Variants in RFX4 observed in about 807,000 individuals in gnomAD.
RFX4 encodes the protein transcription factor RFX4.
In RFX4, 10 loss-of-function variants were observed where a neutral mutation model predicts 95.0. The observed-to-expected ratio is 0.11, with a 90% confidence interval of 0.06 to 0.18. RFX4 has a LOEUF of 0.18. Among genes scored for constraint, RFX4 ranks in the 10% least tolerant of loss-of-function variants. The pLI is 1.00. For synonymous variants in RFX4, 321 were observed against 340.7 expected (o/e 0.94, Z 0.64); for missense variants, 640 against 922.0 (o/e 0.69, Z 3.96).
At chr12:106,684,854 C>A (rs2041607369) in intron 5 of RFX4, 3 of 1,585,650 alleles carry the variant, frequency 1.9e-6, no homozygotes, top group Non-Finnish European at 2.6e-6. Flanking sequence ...TTCTTCATCC[C>A]AGAAGGCATT....
At chr12:106,749,166 G>T (rs1207448962) in intron 16 of RFX4, among the ~76,000 whole-genome samples, 1 of 149,804 alleles carries the variant, frequency 6.7e-6, no homozygotes, top group African/African-American at 2.5e-5. Context: ...TGAGGCAGGA[G>T]AATTGCATGA....
At chr12:106,717,429 C>T (rs2042315806) in intron 11 of RFX4, among the ~76,000 whole-genome samples, 1 of 152,184 alleles carries the variant, frequency 6.6e-6, no homozygotes, top group African/African-American at 2.4e-5. Flanking sequence ...GCTGGAGCAC[C>T]ATGGAGGTCA....
intron 5 of RFX4, among the ~76,000 whole-genome samples, chr12:106,683,907 T>C (rs778547565): frequency 6.6e-6 from 1 of 152,200 alleles, no homozygotes; most frequent in African/African-American, 2.4e-5. Context: ...AAATACCCTC[T>C]TTAAAAATTC....
chr12:106,637,406 C>T (rs530577893), intron 2 of RFX4, among the ~76,000 whole-genome samples: 1 of 152,142 alleles, frequency 6.6e-6, no homozygotes, highest in Non-Finnish European at 1.5e-5. Context: ...TTTTTCTATA[C>T]ATCATATGAC....
Position 106,583,250 on chromosome 12 carries a change from G to C in RFX4, c.-71G>C. ...CCTCCCTCCCTCCCTTCCTCCCTGG[G>C]CATCTCTAGCACAGGGGATCCCCAA... On this transcript the variant is annotated 5_prime_UTR_variant, in exon 1 of 18. Transcript: ENST00000392842. The C allele has an allele frequency of 7.1e-7, 1 of 1,413,214 alleles. No individual in the cohort carries two copies. Among genetic ancestry groups the C allele is most frequent in the South Asian group, 1.4e-5 (1 of 72,958 alleles). 87.5% of individuals were successfully genotyped at this position (1,413,214 alleles called of 1,614,324 possible).
chr12:106,642,169 C>A (rs1378533283), intron 3 of RFX4, among the ~76,000 whole-genome samples: 1 of 151,998 alleles, frequency 6.6e-6, no homozygotes, highest in East Asian at 1.9e-4. Flanking sequence ...CACCACCATA[C>A]CCGGCTAATA....
intron 2 of RFX4, 105 bp downstream of exon 2, chr12:106,608,988 C>T: frequency 3.4e-6 from 3 of 887,978 alleles, no homozygotes; most frequent in Non-Finnish European, 5.4e-6. Context: ...TCACCTGGAA[C>T]AAGACACTCT....
chr12:106,713,836 G>A (rs563667140), intron 10 of RFX4, among the ~76,000 whole-genome samples: 1 of 152,070 alleles, frequency 6.6e-6, no homozygotes, highest in Admixed American at 6.5e-5. Flanking sequence ...GGGAGACCTA[G>A]GTGGGCAGAT....
At chr12:106,658,803 C>A (rs956532643) in intron 4 of RFX4, among the ~76,000 whole-genome samples, 5 of 152,102 alleles carry the variant, frequency 3.3e-5, no homozygotes, top group Admixed American at 3.3e-4. Flanking sequence ...CTCTAGCCAA[C>A]CTCCTACCAC....
chr12:106,669,205 C>T (rs1042702919), intron 4 of RFX4, among the ~76,000 whole-genome samples: 7 of 152,156 alleles, frequency 4.6e-5, no homozygotes, highest in African/African-American at 7.2e-5. Flanking sequence ...TTCCCCAGTT[C>T]CTACATTTGG....
intron 1 of RFX4, among the ~76,000 whole-genome samples, chr12:106,599,800 G>A (rs1424255942): frequency 2.0e-5 from 3 of 151,820 alleles, no homozygotes; most frequent in South Asian, 4.2e-4. Context: ...AGTAAGTCTC[G>A]GTTTGCCTGG....
At chr12:106,642,973 A>AG (rs1443414812) in intron 3 of RFX4, among the ~76,000 whole-genome samples, 1 of 152,150 alleles carries the variant, frequency 6.6e-6, no homozygotes, top group African/African-American at 2.4e-5. Flanking sequence ...GAATAGACAG[A>AG]GGGGGTGTTA....
chr12:106,761,577 G>A lies in RFX4; in HGVS notation c.*108G>A, dbSNP rs1022551101. 2 of 814,710 alleles carry A rather than the reference G, an allele frequency of 2.5e-6. No individual in the cohort carries two copies. Among genetic ancestry groups the A allele is most frequent in the Non-Finnish European group, 3.2e-6 (2 of 623,512 alleles). The allele number at this position is 814,710 out of a possible 1,614,324, so 50.5% of individuals were successfully genotyped here. A position where few individuals can be genotyped will look rare whatever the true frequency, so the allele number is the denominator to read the frequency against. On this transcript the variant is annotated 3_prime_UTR_variant, in exon 18 of 18. Transcript: ENST00000392842. ...TTTATCTCTATACATTGTAACTCAT[G>A]GGCTATTCCTAAGTGCCCATTTTCC...
chr12:106,756,628 G>C (rs1290386980), intron 17 of RFX4, among the ~76,000 whole-genome samples: 1 of 152,088 alleles, frequency 6.6e-6, no homozygotes, highest in African/African-American at 2.4e-5. Context: ...AGGCTCCCTG[G>C]GTTCAAATCC....
intron 10 of RFX4, among the ~76,000 whole-genome samples, chr12:106,713,006 G>GCA (rs1272298968): frequency 6.6e-6 from 1 of 152,084 alleles, no homozygotes. Context: ...GCGTAGGGGC[G>GCA]CACACACACG....
chr12:106,584,344 A>G (rs1159563407), intron 1 of RFX4, among the ~76,000 whole-genome samples: 1 of 151,984 alleles, frequency 6.6e-6, no homozygotes, highest in East Asian at 1.9e-4. Context: ...CATTCTTGCA[A>G]CCCGGCTATT....
intron 13 of RFX4, among the ~76,000 whole-genome samples, chr12:106,730,865 T>G (rs1475298549): frequency 6.6e-6 from 1 of 152,104 alleles, no homozygotes; most frequent in East Asian, 1.9e-4. Context: ...CCAGGCATGG[T>G]GGCACGCACC....
chr12:106,605,893 G>A (rs1198681225), intron 1 of RFX4, among the ~76,000 whole-genome samples: 1 of 152,186 alleles, frequency 6.6e-6, no homozygotes, highest in African/African-American at 2.4e-5. Flanking sequence ...TGGGTGAGAT[G>A]TCTTCTCTTT....
At chr12:106,589,128 C>T (rs972892790) in intron 1 of RFX4, among the ~76,000 whole-genome samples, 8 of 152,162 alleles carry the variant, frequency 5.3e-5, no homozygotes, top group Non-Finnish European at 8.8e-5. Context: ...TAACCTCTTC[C>T]ACTCTATTTT....
Sources: allele counts gnomAD v4.1 joint callset (sites outside exome capture counted in the v4.1 genomes callset), GRCh38; gene constraint gnomAD v4.1.1; transcripts MANE v1.5; gene names NCBI Gene and HGNC (gene_info 2026-07-23, HGNC 2026-07-21).